Variants in MAML3 observed in about 807,000 individuals in gnomAD.
MAML3 encodes mastermind-like protein 3.
Under a neutral mutation model 101.9 loss-of-function variants are expected in MAML3, and 27 were observed. The ratio of observed to expected loss-of-function variants is 0.27; its 90% confidence interval spans 0.20 to 0.37. The LOEUF is 0.37. Ranked by LOEUF, MAML3 falls within the 10% of genes least tolerant of loss-of-function variation. The pLI, the probability that MAML3 is intolerant of heterozygous loss-of-function variation, is 1.00. For synonymous variants in MAML3, 501 were observed against 555.9 expected (o/e 0.90, Z 1.39); for missense variants, 1,316 against 1,444.9 (o/e 0.91, Z 1.45).
At chr4:140,080,391 C>T (rs1471965864) in intron 1 of MAML3, among the ~76,000 whole-genome samples, 1 of 152,222 alleles carries the variant, frequency 6.6e-6, no homozygotes, top group Non-Finnish European at 1.5e-5. Context: ...GGTTCTCATC[C>T]TTTAAACGGT....
intron 1 of MAML3, among the ~76,000 whole-genome samples, chr4:139,969,135 C>A (rs775152861): frequency 6.6e-6 from 1 of 151,774 alleles, no homozygotes; most frequent in Non-Finnish European, 1.5e-5. Flanking sequence ...ATCTTGATAA[C>A]CTGCAGAGGA....
intron 1 of MAML3, among the ~76,000 whole-genome samples, chr4:139,967,061 T>C (rs952670): frequency 0.29 from 43,576 of 152,134 alleles, 7,442 homozygotes; most frequent in East Asian, 0.62. Context: ...AATTTAATTA[T>C]ACTTAAAGTA....
At position 139,888,079 on chromosome 4, in the gene MAML3, T is replaced by C. The variant is rs549028928; in HGVS notation, c.2079+1278A>G. Reference sequence around the variant, plus strand: ...AAGAAGCCACTGTGAGGTTTGGGGGTTGTAAGGCTGAGGACAAGAATGAAG... The same window carrying C: ...AAGAAGCCACTGTGAGGTTTGGGGGCTGTAAGGCTGAGGACAAGAATGAAG... On this transcript the variant is annotated intron_variant, in intron 2 of 4. Transcript: ENST00000509479. Among the ~76,000 whole-genome samples, 368 of 151,886 alleles carry C rather than the reference T, an allele frequency of 2.4e-3. 1 individual carries two copies. The highest frequency in any genetic ancestry group is 0.01 in the Middle Eastern group (3 of 294).
intron 1 of MAML3, among the ~76,000 whole-genome samples, chr4:139,948,524 G>T (rs1733777118): frequency 6.6e-6 from 1 of 152,170 alleles, no homozygotes; most frequent in Admixed American, 6.5e-5. Context: ...TAACTACAGT[G>T]CAGAATTTGA....
chr4:139,834,059 A>C (rs1222403795), intron 2 of MAML3, among the ~76,000 whole-genome samples: 1 of 152,164 alleles, frequency 6.6e-6, no homozygotes, highest in Non-Finnish European at 1.5e-5. Flanking sequence ...CCTAACAAAA[A>C]CCCAAAATCA....
intron 2 of MAML3, among the ~76,000 whole-genome samples, chr4:139,816,176 G>T (rs1473893476): frequency 6.6e-6 from 1 of 152,144 alleles, no homozygotes; most frequent in African/African-American, 2.4e-5. Context: ...CAACAGCAGT[G>T]ACAAGACACA....
intron 2 of MAML3, among the ~76,000 whole-genome samples, chr4:139,857,533 G>A (rs1409262948): frequency 5.9e-5 from 9 of 152,144 alleles, no homozygotes; most frequent in African/African-American, 9.7e-5. Flanking sequence ...AATTTCAGAG[G>A]TTAGACATTT....
intron 1 of MAML3, among the ~76,000 whole-genome samples, chr4:140,148,990 T>C (rs1451523201): frequency 6.6e-6 from 1 of 152,188 alleles, no homozygotes; most frequent in African/African-American, 2.4e-5. Flanking sequence ...ACTATCACCA[T>C]TTTAAAATTT....
intron 1 of MAML3, among the ~76,000 whole-genome samples, chr4:140,067,756 C>A (rs1727565759): frequency 7.6e-6 from 1 of 131,364 alleles, no homozygotes; most frequent in South Asian, 2.3e-4. Context: ...TGAGATGGAG[C>A]TTCACTCCTG....
chr4:139,838,004 G>A (rs1731288761), intron 2 of MAML3, among the ~76,000 whole-genome samples: 1 of 152,030 alleles, frequency 6.6e-6, no homozygotes, highest in African/African-American at 2.4e-5. Flanking sequence ...GAGTCATTCT[G>A]TACTGTCTGC....
intron 2 of MAML3, among the ~76,000 whole-genome samples, chr4:139,856,197 G>A (rs1389716360): frequency 1.3e-5 from 2 of 152,244 alleles, no homozygotes; most frequent in Non-Finnish European, 2.9e-5. Flanking sequence ...GGAATAAATG[G>A]AGAGAAAGGC....
intron 1 of MAML3, among the ~76,000 whole-genome samples, chr4:140,018,342 C>T (rs1726679673): frequency 6.6e-6 from 1 of 152,128 alleles, no homozygotes; most frequent in Admixed American, 6.5e-5. Context: ...CATGTATCTA[C>T]TCATGGAAAG....
chr4:139,912,226 T>C (rs1199649575), intron 1 of MAML3, among the ~76,000 whole-genome samples: 1 of 152,144 alleles, frequency 6.6e-6, no homozygotes, highest in Non-Finnish European at 1.5e-5. Context: ...AGAAGAGTGA[T>C]TAAAAAACAA....
intron 1 of MAML3, among the ~76,000 whole-genome samples, chr4:140,071,780 A>AGC (rs1727659467): frequency 6.6e-6 from 1 of 151,850 alleles, no homozygotes; most frequent in South Asian, 2.1e-4. Context: ...AGAGAGAGAG[A>AGC]GAGAGAGAAG....
intron 1 of MAML3, among the ~76,000 whole-genome samples, chr4:139,977,097 A>G (rs986167833): frequency 3.9e-5 from 6 of 152,172 alleles, no homozygotes; most frequent in African/African-American, 1.4e-4. Context: ...CGGCCCTTCC[A>G]CCAGGAGACA....
chr4:139,861,804 C>CT (rs2094355386), intron 2 of MAML3, among the ~76,000 whole-genome samples: 1 of 152,110 alleles, frequency 6.6e-6, no homozygotes, highest in Admixed American at 6.5e-5. Flanking sequence ...TATGTCTCTC[C>CT]TTTTCTATAA....
chr4:139,848,128 C>A (rs935279223), intron 2 of MAML3, among the ~76,000 whole-genome samples: 2 of 152,156 alleles, frequency 1.3e-5, no homozygotes, highest in African/African-American at 2.4e-5. Flanking sequence ...ACAAAAGAAG[C>A]CCCCAATTTC....
At position 139,889,655 on chromosome 4, in the gene MAML3, T is replaced by C. The variant is rs894196192; in HGVS notation, c.1781A>G (p.His594Arg). Residue 594 changes from histidine to arginine, a missense_variant, in exon 2 of 5, where the codon CAC becomes CGC. Transcript: ENST00000509479. ...AGTGTTGCCATAAGTCAGAATATTG[T>C]GCTGTTTGTTTAAGGAGTTTGTACC... ...NLGTNSLNKQ[H>R]NILTYGNTKP... 6.2e-6 allele frequency: 10 copies of C among 1,613,910 alleles called. No individual in the cohort carries two copies. Among genetic ancestry groups the C allele is most frequent in the Non-Finnish European group, 8.5e-6 (10 of 1,179,902 alleles).
At chr4:139,853,456 G>A (rs1731596405) in intron 2 of MAML3, among the ~76,000 whole-genome samples, 1 of 152,160 alleles carries the variant, frequency 6.6e-6, no homozygotes. Flanking sequence ...AGGGAAGCAG[G>A]AAGGAGGCTT....
Sources: allele counts gnomAD v4.1 joint callset (sites outside exome capture counted in the v4.1 genomes callset), GRCh38; gene constraint gnomAD v4.1.1; transcripts MANE v1.5; gene names NCBI Gene and HGNC (gene_info 2026-07-23, HGNC 2026-07-21).